Variants in PRP4K observed in about 807,000 individuals in gnomAD.
The protein encoded by PRP4K is serine/threonine-protein kinase PRP4 homolog.
chr6:4,060,804 G>A, the PRP4K span: 1 of 628,016 alleles, frequency 1.6e-6, no homozygotes. The surrounding 1 kb of genome is among the most constrained non-coding windows in gnomAD (Gnocchi z 4.7). Flanking sequence ...TGTCTTACGT[G>A]AAATTTCACT....
the PRP4K span, chr6:4,056,286 C>A: frequency 1.4e-6 from 2 of 1,459,530 alleles, no homozygotes; most frequent in Non-Finnish European, 1.9e-6. Flanking sequence ...TTATTCCTGG[C>A]TTGAATTAAA....
At chr6:4,059,940 C>G in the PRP4K span, among the ~76,000 whole-genome samples, 1 of 152,302 alleles carries the variant, frequency 6.6e-6, no homozygotes, top group South Asian at 2.1e-4. Context: ...CCACCGCGCC[C>G]AGCCCAGAGT....
the PRP4K span, among the ~76,000 whole-genome samples, chr6:4,026,479 T>A: frequency 2.0e-5 from 3 of 152,070 alleles, no homozygotes; most frequent in Admixed American, 2.0e-4. Flanking sequence ...GTTTTTTGTA[T>A]TTTTGTAGAG....
chr6:4,040,246 A>G, the PRP4K span, among the ~76,000 whole-genome samples: 1 of 151,636 alleles, frequency 6.6e-6, no homozygotes, highest in African/African-American at 2.4e-5. Flanking sequence ...AGTTGAGCTC[A>G]TTGAAACATG....
the PRP4K span, chr6:4,021,602 TG>T: frequency 8.1e-7 from 1 of 1,227,676 alleles, no homozygotes. Context: ...CGTTGTGGGG[TG>T]GGAGGCATGG....
chr6:4,049,384 G>T, the PRP4K span: 1 of 465,428 alleles, frequency 2.1e-6, no homozygotes. Flanking sequence ...GAAGGGGTAC[G>T]TCACTTACTC....
At chr6:4,054,066 A>G in the PRP4K span, among the ~76,000 whole-genome samples, 10 of 151,984 alleles carry the variant, frequency 6.6e-5, no homozygotes, top group South Asian at 2.1e-4. Flanking sequence ...GGCACATGCC[A>G]CTGTGACTGC....
the PRP4K span, among the ~76,000 whole-genome samples, chr6:4,034,430 A>G: frequency 5.9e-5 from 9 of 152,172 alleles, no homozygotes; most frequent in Admixed American, 5.9e-4. Context: ...GTGGACTTGC[A>G]AAGTCTCAGA....
At chr6:4,037,769 T>C in the PRP4K span, among the ~76,000 whole-genome samples, 2 of 152,180 alleles carry the variant, frequency 1.3e-5, no homozygotes, top group African/African-American at 4.8e-5. Context: ...AAATCATTGC[T>C]CATTTAGGAT....
the PRP4K span, among the ~76,000 whole-genome samples, chr6:4,043,574 C>T: frequency 1.3e-5 from 2 of 152,178 alleles, no homozygotes; most frequent in Non-Finnish European, 2.9e-5. Flanking sequence ...CTCATCTGAT[C>T]AGGTCCAGTG....
chr6:4,052,839 T>C, the PRP4K span: 1 of 1,613,140 alleles, frequency 6.2e-7, no homozygotes, highest in East Asian at 2.2e-5. Flanking sequence ...AGATGCAATA[T>C]CCTACATGCA....
the PRP4K span, chr6:4,064,958 T>C: frequency 6.6e-6 from 1 of 152,514 alleles, no homozygotes; most frequent in Non-Finnish European, 1.5e-5. Flanking sequence ...ACTGGGAAAC[T>C]GAATAAAATA....
the PRP4K span, chr6:4,063,340 T>C: frequency 6.6e-6 from 1 of 152,178 alleles, no homozygotes; most frequent in African/African-American, 2.4e-5. Context: ...TCAACTTTAG[T>C]AATATAAAAG....
chr6:4,032,164 A>G, the PRP4K span: 2 of 1,613,800 alleles, frequency 1.2e-6, no homozygotes, highest in African/African-American at 2.7e-5. Flanking sequence ...ACTAGGAGCA[A>G]GTCAAAGGAG....
At chr6:4,042,943 T>C in the PRP4K span, among the ~76,000 whole-genome samples, 1 of 152,226 alleles carries the variant, frequency 6.6e-6, no homozygotes, top group Non-Finnish European at 1.5e-5. Context: ...TATTTTAATA[T>C]TTAGTAATGG....
chr6:4,053,986 T>C, the PRP4K span, among the ~76,000 whole-genome samples: 132 of 152,226 alleles, frequency 8.7e-4, no homozygotes, highest in Middle Eastern at 3.4e-3. Context: ...AATGGCTCAC[T>C]GTAACCTCCA....
the PRP4K span, among the ~76,000 whole-genome samples, chr6:4,044,869 T>A: frequency 1.2e-4 from 18 of 148,868 alleles, no homozygotes; most frequent in Middle Eastern, 3.4e-3. Flanking sequence ...TATTATTTTT[T>A]TTTTTTTTTA....
At chr6:4,062,095 T>A in the PRP4K span, 1 of 152,682 alleles carries the variant, frequency 6.5e-6, no homozygotes, top group Non-Finnish European at 1.5e-5. This position sits in a 1 kb window ranked among gnomAD's most constrained non-coding sequence, Gnocchi z 4.2. Flanking sequence ...CAAAAAATCC[T>A]ACAAATATTG....
the PRP4K span, among the ~76,000 whole-genome samples, chr6:4,043,089 AG>A: frequency 6.6e-6 from 1 of 152,212 alleles, no homozygotes; most frequent in Non-Finnish European, 1.5e-5. Flanking sequence ...TTTAATTATA[AG>A]GTTTGGTGAC....
Sources: gnomAD v4.1 joint callset for allele counts (sites outside exome capture counted in the v4.1 genomes callset) on GRCh38, gnomAD v4.1.1 for gene constraint, Gnocchi (gnomAD v3.1) non-coding constraint, MANE v1.5 for transcripts, NCBI Gene and HGNC (gene_info 2026-07-23, HGNC 2026-07-21) for gene names.